Variants in CLSTN2 observed in about 807,000 individuals in gnomAD.
CLSTN2 encodes calsyntenin 2.
In CLSTN2, 48 loss-of-function variants were observed where a neutral mutation model predicts 101.2. The observed-to-expected ratio is 0.47, with a 90% confidence interval of 0.38 to 0.60. CLSTN2 has a LOEUF of 0.60. Ranked by LOEUF, CLSTN2 falls within the 20% of genes least tolerant of loss-of-function variation. CLSTN2 has a pLI of 0.00. For synonymous variants in CLSTN2, 481 were observed against 463.6 expected (o/e 1.04, Z -0.48); for missense variants, 1,160 against 1,238.2 (o/e 0.94, Z 0.95).
chr3:140,048,132 A>G (rs2007917336), intron 1 of CLSTN2, among the ~76,000 whole-genome samples: 4 of 152,360 alleles, frequency 2.6e-5, no homozygotes, highest in Middle Eastern at 6.8e-3. Context: ...GCATAAATTT[A>G]TCTAAAATGT....
intron 2 of CLSTN2, among the ~76,000 whole-genome samples, chr3:140,237,956 G>A (rs1204113623): frequency 2.6e-5 from 4 of 152,116 alleles, no homozygotes; most frequent in African/African-American, 9.7e-5. Context: ...TGTCTCAAAA[G>A]CATTTCTGTA....
At chr3:140,203,666 T>A (rs1476423192) in intron 2 of CLSTN2, among the ~76,000 whole-genome samples, 2 of 152,132 alleles carry the variant, frequency 1.3e-5, no homozygotes, top group Admixed American at 6.5e-5. Flanking sequence ...AAAGGCCTCC[T>A]GGTGCCTGAT....
At chr3:140,331,371 T>C (rs114580716) in intron 2 of CLSTN2, among the ~76,000 whole-genome samples, 93 of 152,282 alleles carry the variant, frequency 6.1e-4, no homozygotes, top group African/African-American at 2.2e-3. Flanking sequence ...CTGATTCACA[T>C]GTCTGAGTCC....
At chr3:140,208,109 T>A (rs1293478757) in intron 2 of CLSTN2, among the ~76,000 whole-genome samples, 2 of 152,184 alleles carry the variant, frequency 1.3e-5, no homozygotes, top group Non-Finnish European at 2.9e-5. Context: ...TAAACTGTAT[T>A]TGTCTAATCC....
At chr3:140,026,758 T>C (rs933027284) in intron 1 of CLSTN2, among the ~76,000 whole-genome samples, 1 of 152,226 alleles carries the variant, frequency 6.6e-6, no homozygotes, top group African/African-American at 2.4e-5. Flanking sequence ...CAAACAGGTA[T>C]AAGAGGCCCA....
chr3:140,517,081 A>G (rs917829751), intron 8 of CLSTN2, among the ~76,000 whole-genome samples: 3 of 151,406 alleles, frequency 2.0e-5, no homozygotes, highest in Non-Finnish European at 3.0e-5. Flanking sequence ...CTTGTCTTCA[A>G]TCCCTGAAGT....
rs533448514 is a variant in CLSTN2 at position 140,519,799 on chromosome 3, A to G, written c.1345-12525A>G. On this transcript the variant is annotated intron_variant, in intron 8 of 16. Transcript: ENST00000458420. ...TCTGTGTCTTTAAATTGGAACATTT[A>G]GCTCACTTACATTTAAGGCTAGTGT... is the stretch of plus-strand genomic sequence containing the variant. Among the ~76,000 whole-genome samples the G allele has an allele frequency of 2.0e-3, 311 of 152,248 alleles. 3 individuals are homozygous for G. The highest frequency in any genetic ancestry group is 6.0e-3 in the African/African-American group (250 of 41,538).
chr3:140,215,278 T>A (rs1219598787), intron 2 of CLSTN2, among the ~76,000 whole-genome samples: 1 of 152,196 alleles, frequency 6.6e-6, no homozygotes, highest in Non-Finnish European at 1.5e-5. Context: ...CCATTTCCCC[T>A]TACTTGTGTT....
chr3:140,028,344 GC>G (rs1560073796), intron 1 of CLSTN2, among the ~76,000 whole-genome samples: 1 of 152,140 alleles, frequency 6.6e-6, no homozygotes, highest in Non-Finnish European at 1.5e-5. Flanking sequence ...TTATCATTGT[GC>G]TGGAGCCTTT....
intron 1 of CLSTN2, among the ~76,000 whole-genome samples, chr3:140,104,575 G>A (rs1407914628): frequency 1.3e-5 from 2 of 152,174 alleles, no homozygotes; most frequent in South Asian, 2.1e-4. Context: ...CAAAATGCTC[G>A]CTGATTTACC....
intron 1 of CLSTN2, among the ~76,000 whole-genome samples, chr3:139,952,910 C>A (rs1379564117): frequency 6.6e-6 from 1 of 152,158 alleles, no homozygotes; most frequent in East Asian, 1.9e-4. Context: ...GGTTCAGAAA[C>A]AGACCTCCCT....
intron 2 of CLSTN2, among the ~76,000 whole-genome samples, chr3:140,231,055 T>A (rs758941646): frequency 4.4e-4 from 67 of 152,206 alleles, no homozygotes; most frequent in Non-Finnish European, 8.7e-4. Flanking sequence ...TTCTTCACAA[T>A]GAAACATCTT....
intron 1 of CLSTN2, among the ~76,000 whole-genome samples, chr3:140,159,588 C>T (rs1416524333): frequency 1.3e-5 from 2 of 152,120 alleles, no homozygotes; most frequent in Non-Finnish European, 2.9e-5. Flanking sequence ...AAATCAGCCA[C>T]TGTGAAAAGC....
intron 2 of CLSTN2, among the ~76,000 whole-genome samples, chr3:140,394,668 A>G (rs1296872832): frequency 6.6e-6 from 1 of 152,208 alleles, no homozygotes; most frequent in Non-Finnish European, 1.5e-5. Context: ...GTCTGTAAAC[A>G]CGGAGGTGGT....
intron 8 of CLSTN2, among the ~76,000 whole-genome samples, chr3:140,484,327 A>C (rs985060976): frequency 3.8e-4 from 58 of 152,344 alleles, no homozygotes; most frequent in African/African-American, 1.4e-3. Flanking sequence ...TTCTGCCAAG[A>C]GATCAGCTGT....
intron 5 of CLSTN2, among the ~76,000 whole-genome samples, chr3:140,421,666 C>T (rs1038155): frequency 0.59 from 88,947 of 151,984 alleles, 28,527 homozygotes; most frequent in African/African-American, 0.87. Flanking sequence ...GGGAAAGTCG[C>T]CATGTTCTTT....
chr3:140,088,703 T>C (rs2008719463), intron 1 of CLSTN2, among the ~76,000 whole-genome samples: 2 of 152,270 alleles, frequency 1.3e-5, no homozygotes. Context: ...CAATACTGGA[T>C]TGACCTGACT....
At chr3:140,470,266 T>C (rs1217188910) in intron 8 of CLSTN2, among the ~76,000 whole-genome samples, 1 of 152,272 alleles carries the variant, frequency 6.6e-6, no homozygotes, top group Non-Finnish European at 1.5e-5. Context: ...GAAGTTTCCA[T>C]GATAATGGGT....
At chr3:140,520,471 T>G (rs1295268679) in intron 8 of CLSTN2, among the ~76,000 whole-genome samples, 1 of 152,186 alleles carries the variant, frequency 6.6e-6, no homozygotes, top group African/African-American at 2.4e-5. Context: ...TGGATGCCTC[T>G]AAAACTATCA....
Sources: gnomAD v4.1 joint callset for allele counts (sites outside exome capture counted in the v4.1 genomes callset) on GRCh38, gnomAD v4.1.1 for gene constraint, MANE v1.5 for transcripts, NCBI Gene and HGNC (gene_info 2026-07-23, HGNC 2026-07-21) for gene names.